Variants in TTC29 observed in about 807,000 individuals in gnomAD.
The protein encoded by TTC29 is tetratricopeptide repeat protein 29.
Under a neutral mutation model 58.1 loss-of-function variants are expected in TTC29, and 49 were observed. The observed-to-expected ratio is 0.84, with a 90% confidence interval of 0.67 to 1.07. The LOEUF (loss-of-function observed/expected upper bound fraction) is 1.07. Ranked by LOEUF, TTC29 falls within the 50% of genes least tolerant of loss-of-function variation. The pLI is 0.00. For synonymous variants in TTC29, 209 were observed against 196.8 expected, an observed-to-expected ratio of 1.06 and a Z score of -0.52; for missense variants, 582 against 555.6, an observed-to-expected ratio of 1.05 and a Z score of -0.48.
intron 11 of TTC29, among the ~76,000 whole-genome samples, chr4:146,750,728 C>T (rs530325744): frequency 6.6e-6 from 1 of 152,018 alleles, no homozygotes; most frequent in East Asian, 1.9e-4. Flanking sequence ...AGCAGATATA[C>T]AAACAATAAA....
At chr4:146,843,109 AT>A (rs1435880413) in intron 8 of TTC29, among the ~76,000 whole-genome samples, 1 of 152,190 alleles carries the variant, frequency 6.6e-6, no homozygotes, top group Non-Finnish European at 1.5e-5. Context: ...CAGCCATAGC[AT>A]TCAGGGATGT....
chr4:146,720,025 T>G (rs1743245659), intron 11 of TTC29, among the ~76,000 whole-genome samples: 1 of 152,142 alleles, frequency 6.6e-6, no homozygotes, highest in Admixed American at 6.5e-5. Flanking sequence ...TATTACAACA[T>G]CTTCACTTAA....
chr4:146,891,518 T>C (rs1732362494), intron 6 of TTC29, among the ~76,000 whole-genome samples: 1 of 152,200 alleles, frequency 6.6e-6, no homozygotes, highest in African/African-American at 2.4e-5. Context: ...ACAAACATAT[T>C]TGTTGCTGTG....
At chr4:146,812,055 C>A (rs1256497933) in intron 10 of TTC29, among the ~76,000 whole-genome samples, 1 of 151,962 alleles carries the variant, frequency 6.6e-6, no homozygotes, top group Non-Finnish European at 1.5e-5. Flanking sequence ...AAAAATAAAA[C>A]TGTATCAAAG....
intron 11 of TTC29, among the ~76,000 whole-genome samples, chr4:146,728,187 T>C (rs1743930644): frequency 6.6e-6 from 1 of 151,480 alleles, no homozygotes; most frequent in South Asian, 2.1e-4. Context: ...CTCAGGAGGC[T>C]GAGGCAGGAG....
chr4:146,715,409 C>A (rs1742855514), intron 11 of TTC29, among the ~76,000 whole-genome samples: 1 of 151,988 alleles, frequency 6.6e-6, no homozygotes, highest in Admixed American at 6.6e-5. Context: ...GTGTATATAC[C>A]CAATAGAATA....
chr4:146,708,946 TCTC>T (rs1742280389), intron 11 of TTC29, among the ~76,000 whole-genome samples: 1 of 152,084 alleles, frequency 6.6e-6, no homozygotes, highest in South Asian at 2.1e-4. Context: ...GTTGGTGTCC[TCTC>T]CTCCTTGTTC....
At chr4:146,889,178 T>C (rs954752855) in intron 6 of TTC29, among the ~76,000 whole-genome samples, 1 of 152,166 alleles carries the variant, frequency 6.6e-6, no homozygotes, top group Non-Finnish European at 1.5e-5. Context: ...TAAAGACCAT[T>C]CAATCCATGG....
chr4:146,786,191 T>C (rs1435799401), intron 11 of TTC29, among the ~76,000 whole-genome samples: 1 of 152,220 alleles, frequency 6.6e-6, no homozygotes, highest in Non-Finnish European at 1.5e-5. Context: ...CTCTCCCTCT[T>C]CGTCTTTCTC....
At chr4:146,863,746 C>A (rs1278193902) in intron 8 of TTC29, among the ~76,000 whole-genome samples, 6 of 152,174 alleles carry the variant, frequency 3.9e-5, no homozygotes, top group Admixed American at 3.3e-4. Context: ...TGAAGGCCTG[C>A]AAACTGGTGA....
chr4:146,719,852 T>G (rs916133207), intron 11 of TTC29, among the ~76,000 whole-genome samples: 3 of 152,150 alleles, frequency 2.0e-5, no homozygotes, highest in African/African-American at 7.2e-5. Context: ...AAAAAGCAAT[T>G]TATTCATGTT....
At chr4:146,820,883 T>A (rs1245520963) in intron 9 of TTC29, among the ~76,000 whole-genome samples, 1 of 151,936 alleles carries the variant, frequency 6.6e-6, no homozygotes, top group Admixed American at 6.6e-5. Context: ...ATATAAAAAA[T>A]TAGCCAGGCA....
chr4:146,905,434 T>A (rs1391235697), intron 5 of TTC29, among the ~76,000 whole-genome samples: 1 of 151,310 alleles, frequency 6.6e-6, no homozygotes, highest in Non-Finnish European at 1.5e-5. Flanking sequence ...AAGGTTTTTT[T>A]TTTTAGGAAT....
intron 11 of TTC29, among the ~76,000 whole-genome samples, chr4:146,734,410 C>T (rs763520950): frequency 2.0e-5 from 3 of 152,106 alleles, no homozygotes; most frequent in Non-Finnish European, 2.9e-5. Flanking sequence ...TTGCAATGTC[C>T]TTATAATAAA....
intron 11 of TTC29, among the ~76,000 whole-genome samples, chr4:146,773,056 T>C (rs1747846516): frequency 6.6e-6 from 1 of 152,202 alleles, no homozygotes; most frequent in African/African-American, 2.4e-5. Context: ...TACTGATTTT[T>C]GTTCATTGAT....
rs557374748 is a variant in TTC29 at position 146,760,825 on chromosome 4, A to G, written c.1330+42632T>C. On this transcript the variant is annotated intron_variant, in intron 11 of 12. Coordinates refer to ENST00000325106, the MANE Select transcript of TTC29 (RefSeq NM_031956.4). ...CTATATATATATGATGGAATACTAT[A>G]TATATATATGATGGAATACTATATA... is the stretch of plus-strand genomic sequence containing the variant. Among the ~76,000 whole-genome samples, 351 of 146,142 alleles carry G rather than the reference A, an allele frequency of 2.4e-3. 5 individuals are homozygous for G. The highest frequency in any genetic ancestry group is 8.5e-3 in the African/African-American group (339 of 39,758).
chr4:146,711,472 C>G (rs1050977504), intron 11 of TTC29, among the ~76,000 whole-genome samples: 2 of 152,122 alleles, frequency 1.3e-5, no homozygotes, highest in Non-Finnish European at 2.9e-5. Context: ...CTACGCCGGT[C>G]CTGCCATTGT....
Position 146,823,513 on chromosome 4 carries a change from AT to A in TTC29, c.978-3266del, listed in dbSNP as rs1410921202. On this transcript the variant is annotated intron_variant, in intron 9 of 12. Transcript: ENST00000325106. ...GCTGTTTTGGTTGTAGCCTTGTAGT[AT>A]AGTTTGAAGTCAGGTAGCATGATGC... 2.0e-5 allele frequency among the ~76,000 whole-genome samples: 3 copies of A among 152,186 alleles called. No homozygotes were observed. In the East Asian group the frequency reaches 5.8e-4, roughly 29 times the overall value.
chr4:146,893,850 C>A (rs1051278401), intron 6 of TTC29, among the ~76,000 whole-genome samples: 1 of 151,882 alleles, frequency 6.6e-6, no homozygotes, highest in Non-Finnish European at 1.5e-5. Flanking sequence ...AAAAACAACC[C>A]CATCAAAAAG....
Sources: gnomAD v4.1 joint callset for allele counts (sites outside exome capture counted in the v4.1 genomes callset) on GRCh38, gnomAD v4.1.1 for gene constraint, MANE v1.5 for transcripts, NCBI Gene and HGNC (gene_info 2026-07-23, HGNC 2026-07-21) for gene names.